The following CDHR3 variants were observed in gnomAD, a reference collection of about 807,000 sequenced individuals.
CDHR3 encodes cadherin related family member 3, also known as cadherin-related family member 3.
A neutral mutation model predicts 86.6 loss-of-function variants in CDHR3; 79 were observed. That is an observed-to-expected ratio of 0.91 (90% CI 0.76 to 1.10). The LOEUF (loss-of-function observed/expected upper bound fraction) is 1.10. CDHR3 is among the 50% of genes least tolerant of loss of function. The pLI is 0.00. For missense variants in CDHR3, 1,081 were observed against 1,077.6 expected, an observed-to-expected ratio of 1.00 and a Z score of -0.04; for synonymous variants, 421 against 402.4, an observed-to-expected ratio of 1.05 and a Z score of -0.55.
At chr7:105,995,731 A>G (rs866541711) in intron 5 of CDHR3, among the ~76,000 whole-genome samples, 1 of 152,166 alleles carries the variant, frequency 6.6e-6, no homozygotes, top group Non-Finnish European at 1.5e-5. Flanking sequence ...AGATGTAGTC[A>G]TTAATGTCAA....
At chr7:105,982,857 C>T (rs1464351852) in intron 3 of CDHR3, among the ~76,000 whole-genome samples, 1 of 151,928 alleles carries the variant, frequency 6.6e-6, no homozygotes, top group African/African-American at 2.4e-5. Context: ...GTGGCAGGTA[C>T]CTGTAGTTCC....
At chr7:105,992,632 G>A (rs1029181123) in intron 4 of CDHR3, among the ~76,000 whole-genome samples, 1 of 152,220 alleles carries the variant, frequency 6.6e-6, no homozygotes, top group Non-Finnish European at 1.5e-5. Flanking sequence ...ATAAACCCCT[G>A]TGGTAGGATG....
intron 1 of CDHR3, among the ~76,000 whole-genome samples, chr7:105,964,209 T>A (rs1826504781): frequency 6.6e-6 from 1 of 152,214 alleles, no homozygotes; most frequent in South Asian, 2.1e-4. Context: ...TGAGGTTTCC[T>A]TCATATAGAT....
rs1838743449 is a variant in CDHR3, at chr7:106,034,409, G to C, written c.*1712G>C. Among the ~76,000 whole-genome samples, 1 of 114,432 alleles carries C rather than the reference G, an allele frequency of 8.7e-6. No homozygotes were observed. The highest frequency in any genetic ancestry group is 2.9e-5 in the African/African-American group (1 of 34,044). 75.1% of individuals were successfully genotyped at this position (114,432 alleles called of 152,430 possible). A position where few individuals can be genotyped will look rare whatever the true frequency, so the allele number is the denominator to read the frequency against. ...GGTCCACAAGGTCCTGTGGGAGACA[G>C]ACTGGATCCAGCAAATGTAGAGCTT... On this transcript the variant is annotated 3_prime_UTR_variant, in exon 19 of 19. Coordinates refer to ENST00000317716, the MANE Select transcript of CDHR3 (RefSeq NM_152750.5).
intron 1 of CDHR3, among the ~76,000 whole-genome samples, chr7:105,966,330 G>A (rs1478947853): frequency 6.6e-6 from 1 of 152,174 alleles, no homozygotes; most frequent in African/African-American, 2.4e-5. Flanking sequence ...AGGGATCCTT[G>A]GGAGCCAGAA....
rs1455952226 is a variant in CDHR3 at position 106,032,992 on chromosome 7, A to G, written c.*295A>G. On this transcript the variant is annotated 3_prime_UTR_variant, in exon 19 of 19. Transcript: ENST00000317716. ...TGGAATTGTTGTGTTTCTTCTTTGC[A>G]TTGACTGCTAGGAAGCTCTATTCTG... 3 of 377,490 alleles carry G rather than the reference A, an allele frequency of 7.9e-6. No individual in the cohort carries two copies. The highest frequency in any genetic ancestry group is 1.4e-5 in the Non-Finnish European group (3 of 207,668). The allele number at this position is 377,490 out of a possible 1,614,324, so 23.4% of individuals were successfully genotyped here.
intron 12 of CDHR3, among the ~76,000 whole-genome samples, chr7:106,018,601 T>C (rs1283012387): frequency 6.6e-6 from 1 of 152,144 alleles, no homozygotes; most frequent in Non-Finnish European, 1.5e-5. Flanking sequence ...TGGCCAGATA[T>C]TAGAATGTCT....
intron 18 of CDHR3, among the ~76,000 whole-genome samples, chr7:106,031,391 C>T (rs912451858): frequency 5.3e-5 from 8 of 152,204 alleles, no homozygotes; most frequent in Admixed American, 5.2e-4. Context: ...GAAATCAGCT[C>T]CAAATTTAGC....
Position 106,020,538 on chromosome 7 carries a change from G to T in CDHR3, c.1819G>T (p.Gly607Cys). 3.1e-6 allele frequency: 5 copies of T among 1,613,282 alleles called. No homozygotes were observed. The highest frequency in any genetic ancestry group is 4.2e-6 in the Non-Finnish European group (5 of 1,179,426). Residue 607 changes from glycine to cysteine, a missense_variant, in exon 13 of 19, where the codon GGC becomes TGC. By Grantham distance (159) the Gly-to-Cys change is radical. Coordinates refer to ENST00000317716, the MANE Select transcript of CDHR3 (RefSeq NM_152750.5). ...SSPRSFRYSI[G>C]PGNVNNHFTF... ...CCCCAGATCTTTCCGTTATTCCATT[G>T]GCCCAGGTATAGTACTTGGTGTCGA...
At chr7:106,000,878 C>T (rs1833040327) in intron 6 of CDHR3, among the ~76,000 whole-genome samples, 1 of 123,436 alleles carries the variant, frequency 8.1e-6, no homozygotes, top group South Asian at 2.8e-4. Flanking sequence ...GAGTTCTGTG[C>T]ATAAATTCTA....
rs112559072 is a variant in CDHR3 at position 105,970,825 on chromosome 7, A to G, written c.47-4019A>G. Among the ~76,000 whole-genome samples, 398 of 152,270 alleles carry G rather than the reference A, an allele frequency of 2.6e-3. 1 individual carries two copies. Among genetic ancestry groups the G allele is most frequent in the African/African-American group, 8.9e-3 (371 of 41,558 alleles). The stretch of plus-strand genomic sequence containing the variant: ...TTACAAATAGCAATAGAGCTGGAGA[A>G]ACCGGATTTTGAATTAAGGTCAGGA... On this transcript the variant is annotated intron_variant, in intron 1 of 18. Transcript: ENST00000317716.
chr7:105,971,167 C>A (rs956974620), intron 1 of CDHR3, among the ~76,000 whole-genome samples: 3 of 151,460 alleles, frequency 2.0e-5, no homozygotes, highest in African/African-American at 7.3e-5. Context: ...ATCAGTATCC[C>A]TAGGACTGCC....
chr7:105,997,670 C>A (rs1433335303), intron 6 of CDHR3, among the ~76,000 whole-genome samples: 1 of 152,106 alleles, frequency 6.6e-6, no homozygotes. Context: ...CCCACAAGTC[C>A]CATCTGGGAG....
intron 16 of CDHR3, chr7:106,027,656 A>G (rs150682487): frequency 2.2e-6 from 1 of 454,124 alleles, no homozygotes; most frequent in African/African-American, 2.0e-5. Context: ...ACAGTGTTTT[A>G]ATTAAAAAAA....
chr7:105,991,034 A>G (rs1470129533), intron 4 of CDHR3, among the ~76,000 whole-genome samples: 1 of 152,236 alleles, frequency 6.6e-6, no homozygotes, highest in Non-Finnish European at 1.5e-5. Context: ...AAATATTCCC[A>G]GCAGGAAAAC....
intron 2 of CDHR3, among the ~76,000 whole-genome samples, chr7:105,980,272 T>G (rs527878548): frequency 1.3e-5 from 2 of 152,350 alleles, no homozygotes; most frequent in East Asian, 3.9e-4. Flanking sequence ...TTTTTTTAAA[T>G]TTTTTATTTA....
chr7:105,986,347 C>A (rs535703575), intron 4 of CDHR3, among the ~76,000 whole-genome samples: 1 of 152,306 alleles, frequency 6.6e-6, no homozygotes, highest in Non-Finnish European at 1.5e-5. Context: ...ATGTGCCAGG[C>A]ATCCTATTAG....
intron 6 of CDHR3, among the ~76,000 whole-genome samples, chr7:105,998,037 T>TG (rs1177637872): frequency 6.6e-6 from 1 of 151,804 alleles, no homozygotes; most frequent in Non-Finnish European, 1.5e-5. Context: ...AAAGAAGGAG[T>TG]GGGGGCAGGG....
Position 106,025,534 on chromosome 7 carries a change from T to C in CDHR3, c.2258+972T>C, listed in dbSNP as rs191039650. Among the ~76,000 whole-genome samples the C allele has an allele frequency of 2.0e-3, 300 of 152,352 alleles. 1 individual carries two copies. The highest frequency in any genetic ancestry group is 6.9e-3 in the African/African-American group (288 of 41,578). ...CAGATGAGTCCCAATGAGTTCAGGA[T>C]TCTAGATTCCAAGTTTAGCTCTATG... On this transcript the variant is annotated intron_variant, in intron 15 of 18. Coordinates refer to ENST00000317716, the MANE Select transcript of CDHR3 (RefSeq NM_152750.5).
Sources: allele counts gnomAD v4.1 joint callset (sites outside exome capture counted in the v4.1 genomes callset), GRCh38; gene constraint gnomAD v4.1.1; transcripts MANE v1.5; gene names NCBI Gene and HGNC (gene_info 2026-07-23, HGNC 2026-07-21).